Variants in KCNQ3 observed in about 807,000 individuals in gnomAD.
KCNQ3 encodes the protein potassium voltage-gated channel subfamily KQT member 3.
In KCNQ3, 30 loss-of-function variants were observed where a neutral mutation model predicts 92.5. That is an observed-to-expected ratio of 0.32 (90% CI 0.24 to 0.44). The LOEUF is 0.44. KCNQ3 is among the 20% of genes least tolerant of loss of function. KCNQ3 has a pLI of 1.00. For synonymous variants in KCNQ3, 450 were observed against 468.8 expected (o/e 0.96, Z 0.52); for missense variants, 913 against 1,140.3 (o/e 0.80, Z 2.87).
intron 8 of KCNQ3, among the ~76,000 whole-genome samples, chr8:132,166,846 C>T (rs12114577): frequency 0.022 from 3,352 of 152,208 alleles, 130 homozygotes; most frequent in African/African-American, 0.076. Flanking sequence ...TGGCAGGAAT[C>T]TAAAATGGTG....
chr8:132,315,505 G>A (rs1302345500), intron 1 of KCNQ3, among the ~76,000 whole-genome samples: 2 of 152,142 alleles, frequency 1.3e-5, no homozygotes, highest in African/African-American at 4.8e-5. Context: ...AGGGAGGAGT[G>A]TAAAAGCTCA....
Position 132,304,361 on chromosome 8 carries a change from C to T in KCNQ3, c.387-118180G>A, listed in dbSNP as rs183667235. 1.0e-3 allele frequency among the ~76,000 whole-genome samples: 159 copies of T among 152,296 alleles called. 2 individuals are homozygous for T. The highest frequency in any genetic ancestry group is 3.4e-3 in the African/African-American group (140 of 41,572). On this transcript the variant is annotated intron_variant, in intron 1 of 14. Transcript: ENST00000388996. The stretch of plus-strand genomic sequence containing the variant: ...AGCCTTAAAAAAATGAAGCTGCACA[C>T]GTTTGGGGCCAGTGAGAACTGGGTC...
chr8:132,224,564 T>A (rs141747007), intron 1 of KCNQ3, among the ~76,000 whole-genome samples: 1 of 152,142 alleles, frequency 6.6e-6, no homozygotes, highest in African/African-American at 2.4e-5. Flanking sequence ...AGGAACATAA[T>A]GTACTCTCAA....
intron 1 of KCNQ3, among the ~76,000 whole-genome samples, chr8:132,247,895 A>G (rs1270373525): frequency 6.6e-6 from 1 of 152,156 alleles, no homozygotes; most frequent in Non-Finnish European, 1.5e-5. Flanking sequence ...ATCACTTACC[A>G]GGTGCCAAGC....
intron 1 of KCNQ3, among the ~76,000 whole-genome samples, chr8:132,382,342 C>T (rs890873406): frequency 6.6e-6 from 1 of 152,042 alleles, no homozygotes; most frequent in Non-Finnish European, 1.5e-5. Flanking sequence ...ATGTGAGAGC[C>T]GGTTGTTTAA....
intron 1 of KCNQ3, among the ~76,000 whole-genome samples, chr8:132,381,367 C>T (rs910512151): frequency 2.6e-5 from 4 of 152,220 alleles, no homozygotes; most frequent in African/African-American, 9.7e-5. Flanking sequence ...CACTTCCATA[C>T]ACTCACCAAG....
At chr8:132,286,731 T>C (rs1586897045) in intron 1 of KCNQ3, among the ~76,000 whole-genome samples, 1 of 152,168 alleles carries the variant, frequency 6.6e-6, no homozygotes, top group Non-Finnish European at 1.5e-5. Flanking sequence ...AAAACTTATG[T>C]TGAAATTTAA....
intron 2 of KCNQ3, among the ~76,000 whole-genome samples, chr8:132,184,606 TA>T (rs1265083597): frequency 1.3e-5 from 2 of 152,202 alleles, no homozygotes; most frequent in African/African-American, 4.8e-5. Context: ...TTAATGCTGT[TA>T]AACCTGGCAC....
At chr8:132,385,020 A>G (rs1266171458) in intron 1 of KCNQ3, among the ~76,000 whole-genome samples, 1 of 152,204 alleles carries the variant, frequency 6.6e-6, no homozygotes, top group Non-Finnish European at 1.5e-5. Flanking sequence ...AGTTCTCTAC[A>G]AGAACACCTC....
At chr8:132,138,150 G>C in intron 11 of KCNQ3, 134 bp from the exon 12 acceptor site, 1 of 1,003,720 alleles carries the variant, frequency 1.0e-6, no homozygotes, top group Non-Finnish European at 1.5e-6. Context: ...AACTTCCAAC[G>C]TTTGGTTCTG....
intron 1 of KCNQ3, among the ~76,000 whole-genome samples, chr8:132,473,876 G>A (rs1822348411): frequency 1.3e-5 from 2 of 152,216 alleles, no homozygotes; most frequent in African/African-American, 4.8e-5. Context: ...AGTCCACTAG[G>A]CAGGCCCTTT....
chr8:132,434,455 T>A (rs765877066), intron 1 of KCNQ3, among the ~76,000 whole-genome samples: 1 of 152,214 alleles, frequency 6.6e-6, no homozygotes, highest in Non-Finnish European at 1.5e-5. Flanking sequence ...CTCACAGATC[T>A]ATTCCAAGCA....
At chr8:132,411,580 G>A (rs530025527) in intron 1 of KCNQ3, among the ~76,000 whole-genome samples, 4 of 152,188 alleles carry the variant, frequency 2.6e-5, no homozygotes, top group Admixed American at 1.3e-4. Flanking sequence ...ACCCATGAGA[G>A]GAATCAGCAG....
chr8:132,199,378 C>G (rs1316859742), intron 1 of KCNQ3, among the ~76,000 whole-genome samples: 1 of 152,162 alleles, frequency 6.6e-6, no homozygotes, highest in Non-Finnish European at 1.5e-5. Flanking sequence ...CAATTATAAC[C>G]TAACTTTTTG....
intron 1 of KCNQ3, among the ~76,000 whole-genome samples, chr8:132,457,685 C>CTT (rs1327423805): frequency 6.6e-6 from 1 of 152,332 alleles, no homozygotes; most frequent in East Asian, 1.9e-4. Flanking sequence ...TGTATTTTGA[C>CTT]TTTCAGCCTG....
intron 1 of KCNQ3, among the ~76,000 whole-genome samples, chr8:132,190,652 T>A (rs62519621): frequency 0.12 from 18,185 of 152,142 alleles, 2,065 homozygotes; most frequent in African/African-American, 0.3. Context: ...GAAGAACAAG[T>A]CCCAGCCAAC....
intron 3 of KCNQ3, among the ~76,000 whole-genome samples, chr8:132,182,276 C>T (rs576785881): frequency 6.6e-6 from 1 of 152,306 alleles, no homozygotes; most frequent in East Asian, 1.9e-4. Context: ...GTGTAGTAAA[C>T]ACTATGGTCT....
chr8:132,218,790 T>C (rs960460907), intron 1 of KCNQ3, among the ~76,000 whole-genome samples: 2 of 152,172 alleles, frequency 1.3e-5, no homozygotes, highest in African/African-American at 2.4e-5. Flanking sequence ...CCAAAAAAGC[T>C]ATGATAAATT....
At chr8:132,140,784 C>G (rs1206789788) in intron 10 of KCNQ3, 1 of 331,216 alleles carries the variant, frequency 3.0e-6, no homozygotes, top group Admixed American at 4.6e-5. Flanking sequence ...GCCCTGGTCT[C>G]TAAATTGCTT....
Sources: gnomAD v4.1 joint callset for allele counts (sites outside exome capture counted in the v4.1 genomes callset) on GRCh38, gnomAD v4.1.1 for gene constraint, MANE v1.5 for transcripts, NCBI Gene and HGNC (gene_info 2026-07-23, HGNC 2026-07-21) for gene names.